Variants in SLC25A48 observed in about 807,000 individuals in gnomAD.
The protein encoded by SLC25A48 is solute carrier family 25 member 48.
In SLC25A48, 29 loss-of-function variants were observed where a neutral mutation model predicts 32.2. The ratio of observed to expected loss-of-function variants is 0.90; its 90% confidence interval spans 0.67 to 1.23. The LOEUF is 1.23. Among genes scored for constraint, SLC25A48 ranks in the 50% most tolerant of loss-of-function variants. The pLI, the probability that SLC25A48 is intolerant of heterozygous loss-of-function variation, is 0.00. For synonymous variants in SLC25A48, 164 were observed against 172.3 expected (o/e 0.95, Z 0.38); for missense variants, 399 against 422.7 (o/e 0.94, Z 0.49).
At chr5:135,682,575 C>A (rs1263873306) in intron 3 of SLC25A48, among the ~76,000 whole-genome samples, 1 of 152,154 alleles carries the variant, frequency 6.6e-6, no homozygotes, top group Admixed American at 6.5e-5. Flanking sequence ...ATTAACTAAT[C>A]ACCACAATAC....
At chr5:135,696,056 T>G (rs539409281) in intron 3 of SLC25A48, among the ~76,000 whole-genome samples, 68 of 152,276 alleles carry the variant, frequency 4.5e-4, no homozygotes, top group Admixed American at 1.2e-3. Flanking sequence ...CACCCACAAA[T>G]GGGCATGGCA....
intron 3 of SLC25A48, among the ~76,000 whole-genome samples, chr5:135,739,368 T>C (rs1001665114): frequency 5.9e-5 from 9 of 152,192 alleles, no homozygotes; most frequent in African/African-American, 2.2e-4. Context: ...AGATGGTGTG[T>C]TACTCTTTGC....
At chr5:135,842,523 C>T in intron 2 of SLC25A48, 64 bp downstream of exon 2, 2 of 1,463,504 alleles carry the variant, frequency 1.4e-6, no homozygotes, top group East Asian at 2.3e-5. Flanking sequence ...GCCTCTGGGA[C>T]TATTCCTGCT....
At chr5:135,729,036 G>GA (rs1755164105) in intron 3 of SLC25A48, among the ~76,000 whole-genome samples, 1 of 152,052 alleles carries the variant, frequency 6.6e-6, no homozygotes, top group African/African-American at 2.4e-5. Context: ...AAACAGATGC[G>GA]AAACGGGTCC....
chr5:135,842,310 G>A, intron 1 of SLC25A48, 106 bp from the exon 2 acceptor site: 1 of 1,178,312 alleles, frequency 8.5e-7, no homozygotes, highest in Non-Finnish European at 1.3e-6. Flanking sequence ...CCCTACCCCA[G>A]CAATTGACCG....
intron 3 of SLC25A48, among the ~76,000 whole-genome samples, chr5:135,712,173 A>G (rs916535449): frequency 2.3e-4 from 35 of 152,228 alleles, no homozygotes; most frequent in African/African-American, 7.7e-4. Flanking sequence ...TGAAAATTAT[A>G]GGCTGCAAAT....
intron 4 of SLC25A48, among the ~76,000 whole-genome samples, chr5:135,814,813 C>G (rs1757675903): frequency 6.6e-6 from 1 of 152,214 alleles, no homozygotes; most frequent in African/African-American, 2.4e-5. Flanking sequence ...CTGGACAAGT[C>G]ATCGTTTGTC....
At chr5:135,657,697 T>G (rs940822186) in intron 3 of SLC25A48, among the ~76,000 whole-genome samples, 2 of 152,216 alleles carry the variant, frequency 1.3e-5, no homozygotes, top group African/African-American at 4.8e-5. Flanking sequence ...GTATCTAGTC[T>G]AAATTCCCTG....
At chr5:135,667,943 AGTGCATGGGCTTT>A (rs1484523298) in intron 3 of SLC25A48, among the ~76,000 whole-genome samples, 1 of 152,212 alleles carries the variant, frequency 6.6e-6, no homozygotes, top group Non-Finnish European at 1.5e-5. Context: ...TGTGGAGCTA[AGTGCATGGGCTTT>A]GTGACTGCTC....
intron 3 of SLC25A48, among the ~76,000 whole-genome samples, chr5:135,782,112 C>T (rs1176696146): frequency 1.7e-5 from 2 of 116,080 alleles, no homozygotes; most frequent in African/African-American, 5.2e-5. Context: ...CCCAATATAA[C>T]AGGGGTTGAA....
chr5:135,610,372 G>A (rs1006173614), intron 1 of SLC25A48, among the ~76,000 whole-genome samples: 13 of 152,112 alleles, frequency 8.5e-5, no homozygotes, highest in Admixed American at 5.2e-4. Flanking sequence ...GTGCACATTC[G>A]ATTTTTTTTG....
intron 3 of SLC25A48, among the ~76,000 whole-genome samples, chr5:135,785,116 G>A (rs911618273): frequency 6.6e-6 from 1 of 152,064 alleles, no homozygotes; most frequent in Admixed American, 6.6e-5. Context: ...ATATTACTCC[G>A]AATATCATAG....
At chr5:135,706,613 T>C (rs760595230) in intron 3 of SLC25A48, among the ~76,000 whole-genome samples, 1 of 152,110 alleles carries the variant, frequency 6.6e-6, no homozygotes, top group African/African-American at 2.4e-5. Context: ...TGGCAAGTAC[T>C]GGATGTGGTG....
intron 3 of SLC25A48, among the ~76,000 whole-genome samples, chr5:135,805,728 C>G (rs1757449434): frequency 6.6e-6 from 1 of 151,324 alleles, no homozygotes; most frequent in Non-Finnish European, 1.5e-5. Flanking sequence ...GGGTGTACAC[C>G]CTGTGATATC....
intron 1 of SLC25A48, among the ~76,000 whole-genome samples, chr5:135,590,529 G>GT (rs1009025424): frequency 7.3e-5 from 11 of 151,456 alleles, no homozygotes; most frequent in South Asian, 4.2e-4. Context: ...ATTTGTGTGG[G>GT]TTTTTTTTTC....
At chr5:135,786,227 C>T (rs148470456) in intron 3 of SLC25A48, among the ~76,000 whole-genome samples, 30 of 151,892 alleles carry the variant, frequency 2.0e-4, no homozygotes, top group Admixed American at 1.3e-3. Context: ...CACCATGGAT[C>T]GTATATTCAG....
At chr5:135,705,834 T>C (rs545254472) in intron 3 of SLC25A48, among the ~76,000 whole-genome samples, 2 of 152,178 alleles carry the variant, frequency 1.3e-5, no homozygotes, top group South Asian at 2.1e-4. Flanking sequence ...ATCGGGGATG[T>C]CCTGCTCCTG....
intron 3 of SLC25A48, among the ~76,000 whole-genome samples, chr5:135,728,188 G>A (rs1288899568): frequency 1.3e-5 from 2 of 151,720 alleles, no homozygotes; most frequent in Admixed American, 6.6e-5. Context: ...CCCAGGAGGC[G>A]GAGGTTGCAG....
chr5:135,765,443 C>T lies in SLC25A48; in HGVS notation c.-520-47080C>T, dbSNP rs77080072. Among the ~76,000 whole-genome samples, 821 of 151,404 alleles carry T rather than the reference C, an allele frequency of 5.4e-3. 2 individuals are homozygous for T. Among genetic ancestry groups the T allele is most frequent in the Non-Finnish European group, 8.0e-3 (545 of 67,770 alleles). ...TAATATCGAGGGGGGTGATATTACT[C>T]ACCATATCGCAGGGCGTGTACACCC... is the stretch of plus-strand genomic sequence containing the variant. On this transcript the variant is annotated intron_variant, in intron 3 of 10. Transcript: ENST00000646290.
Sources: gnomAD v4.1 joint callset for allele counts (sites outside exome capture counted in the v4.1 genomes callset) on GRCh38, gnomAD v4.1.1 for gene constraint, MANE v1.5 for transcripts, NCBI Gene and HGNC (gene_info 2026-07-23, HGNC 2026-07-21) for gene names.